GPAT3: variants seen among roughly 807,000 people sequenced by gnomAD.
GPAT3 encodes 1-AGP acyltransferase 9.
In GPAT3, 53 loss-of-function variants were observed where a neutral mutation model predicts 58.8. That is an observed-to-expected ratio of 0.90 (90% CI 0.72 to 1.13). The LOEUF (loss-of-function observed/expected upper bound fraction) is 1.13, where lower values mean the gene tolerates loss of function less well. Ranked by LOEUF, GPAT3 falls within the 50% of genes most tolerant of loss-of-function variation. GPAT3 has a pLI of 0.00. For missense variants in GPAT3, 511 were observed against 527.6 expected, an observed-to-expected ratio of 0.97 and a Z score of 0.31; for synonymous variants, 197 against 187.4, an observed-to-expected ratio of 1.05 and a Z score of -0.42.
intron 2 of GPAT3, among the ~76,000 whole-genome samples, chr4:83,574,453 CA>C (rs1341192872): frequency 2.0e-5 from 3 of 151,910 alleles, no homozygotes; most frequent in Non-Finnish European, 4.4e-5. Flanking sequence ...GCTAAAGGCA[CA>C]GGGGCACAGG....
chr4:83,596,134 A>C (rs2110108457), intron 7 of GPAT3, among the ~76,000 whole-genome samples: 1 of 152,314 alleles, frequency 6.6e-6, no homozygotes, highest in East Asian at 1.9e-4. Flanking sequence ...TGAATCATTT[A>C]AGGATTGTCT....
At chr4:83,537,059 C>A (rs571547305) in intron 1 of GPAT3, among the ~76,000 whole-genome samples, 1 of 152,270 alleles carries the variant, frequency 6.6e-6, no homozygotes, top group Admixed American at 6.5e-5. Context: ...AGAATAACAA[C>A]AATGCGACCA....
rs540201536 is a variant in GPAT3 at position 83,536,808 on chromosome 4, T to C, written c.141+45T>C. On this transcript the variant is annotated intron_variant, in intron 1 of 11. Coordinates refer to ENST00000264409, the MANE Select transcript of GPAT3 (RefSeq NM_032717.5). ...CAGCCAGCCCCACACCGCTGCGGGC[T>C]GAGAACCCGGGGGTCCAGTTCTCAA... The C allele has an allele frequency of 1.0e-4, 160 of 1,561,010 alleles. 1 individual carries two copies. Among genetic ancestry groups the C allele is most frequent in the Non-Finnish European group, 1.3e-4 (153 of 1,150,226 alleles).
At position 83,566,519 on chromosome 4, in the gene GPAT3, G is replaced by A. The variant is rs145538128; in HGVS notation, c.209-15043G>A. 1.0e-3 allele frequency among the ~76,000 whole-genome samples: 158 copies of A among 150,952 alleles called. 1 individual carries two copies. The highest frequency in any genetic ancestry group is 3.6e-3 in the African/African-American group (147 of 41,296). On this transcript the variant is annotated intron_variant, in intron 2 of 11. Coordinates refer to ENST00000264409, the MANE Select transcript of GPAT3 (RefSeq NM_032717.5). ...AGTCGTGACCTTAAGTGATCCACCC[G>A]TCTCAGCCTCCCAAAGTGCTGGGAT...
At chr4:83,540,697 T>C (rs1251126371) in intron 1 of GPAT3, among the ~76,000 whole-genome samples, 1 of 152,148 alleles carries the variant, frequency 6.6e-6, no homozygotes, top group Non-Finnish European at 1.5e-5. Context: ...ATTTTATTTC[T>C]TTTTGTGAGA....
intron 1 of GPAT3, among the ~76,000 whole-genome samples, 180 bp from the exon 2 acceptor site, chr4:83,544,356 G>C (rs1457535575): frequency 6.6e-6 from 1 of 152,150 alleles, no homozygotes; most frequent in African/African-American, 2.4e-5. Flanking sequence ...ATCAGTAAGT[G>C]ATATAAAAGT....
chr4:83,574,515 C>T (rs111409790), intron 2 of GPAT3, among the ~76,000 whole-genome samples: 2 of 151,298 alleles, frequency 1.3e-5, no homozygotes, highest in Non-Finnish European at 1.5e-5. Flanking sequence ...GTAATTTTAT[C>T]TTCATCCAAG....
At position 83,544,544 on chromosome 4, in the gene GPAT3, A is replaced by C. The variant is rs1724432246; in HGVS notation, c.150A>C (p.Thr50=). The C allele has an allele frequency of 1.2e-6, 2 of 1,613,980 alleles. No individual in the cohort carries two copies. Among genetic ancestry groups the C allele is most frequent in the South Asian group, 2.2e-5 (2 of 91,086 alleles). Residue 50 remains threonine (T), a synonymous_variant, in exon 2 of 12, where the codon ACA becomes ACC. Coordinates refer to ENST00000264409, the MANE Select transcript of GPAT3 (RefSeq NM_032717.5). The part of the protein sequence containing the change: ...KILVKTLEWA[T]IRIEKGTPKE... Reference sequence around the variant, plus strand: ...TTCTTGTTTTTGAACAGTGGGCCACAATACGAATTGAAAAAGGAACCCCAA... The same window carrying C: ...TTCTTGTTTTTGAACAGTGGGCCACCATACGAATTGAAAAAGGAACCCCAA...
Position 83,598,081 on chromosome 4 carries a change from A to T in GPAT3, c.1027A>T (p.Asn343Tyr). The T allele has an allele frequency of 6.2e-7, 1 of 1,613,568 alleles. No homozygotes were observed. Among genetic ancestry groups the T allele is most frequent in the South Asian group, 1.1e-5 (1 of 90,938 alleles). The change falls in exon 10 of 12, where the codon AAC becomes TAC. Residue 343 changes from asparagine (N) to tyrosine (Y), a missense_variant. Transcript: ENST00000264409. ...YNPQFGDAFWNSSKYNMVSYL... is the reference protein window; with the variant it reads ...YNPQFGDAFWYSSKYNMVSYL... Reference sequence around the variant, plus strand: ...CCCTCAGTTCGGTGATGCATTTTGGAACAGTAGTAAATACAACATGGTGAG... The same window carrying T: ...CCCTCAGTTCGGTGATGCATTTTGGTACAGTAGTAAATACAACATGGTGAG...
rs113506084 is a variant in GPAT3, at chr4:83,536,131, C to G, written c.-492C>G. The G allele has an allele frequency of 1.7e-3, 1,647 of 985,852 alleles. 22 individuals are homozygous for G. The African/African-American group carries it at 0.026, about 15-fold the overall frequency. 61.1% of individuals were successfully genotyped at this position (985,852 alleles called of 1,614,324 possible). ...CCAGCTTCCAGCACAGCCCGCGGCC[C>G]GGTGCCAGCTCCGCCGGCGACCGGT... is the stretch of plus-strand genomic sequence containing the variant. On this transcript the variant is annotated 5_prime_UTR_variant, in exon 1 of 12. Transcript: ENST00000264409.
chr4:83,586,314 C>A (rs994470293), intron 3 of GPAT3, among the ~76,000 whole-genome samples: 2 of 152,126 alleles, frequency 1.3e-5, no homozygotes. Flanking sequence ...CTGTTCCTGA[C>A]CCTTAACCTT....
At chr4:83,549,252 A>C (rs557453349) in intron 2 of GPAT3, among the ~76,000 whole-genome samples, 121 of 151,906 alleles carry the variant, frequency 8.0e-4, no homozygotes, top group African/African-American at 2.9e-3. Flanking sequence ...AAATTAGCTA[A>C]CTTGATTTTA....
chr4:83,581,639 G>T lies in GPAT3; in HGVS notation c.286G>T (p.Val96Leu), dbSNP rs775978881. The T allele has an allele frequency of 6.2e-7, 1 of 1,613,998 alleles. No homozygotes were observed. The highest frequency in any genetic ancestry group is 1.7e-5 in the Admixed American group (1 of 59,994). Residue 96 changes from valine to leucine, a missense_variant, in exon 3 of 12, where the codon GTG becomes TTG. Val to Leu is a conservative substitution (Grantham distance 32). Coordinates refer to ENST00000264409, the MANE Select transcript of GPAT3 (RefSeq NM_032717.5). The part of the protein sequence containing the change: ...LRGRDFELSD[V>L]FYFSKKGLEA... ...AGGAAGGGACTTTGAGCTGTCTGACGTGTTTTATTTCTCCAAGAAGGGATT... is the reference window on the plus strand; with the variant it reads ...AGGAAGGGACTTTGAGCTGTCTGACTTGTTTTATTTCTCCAAGAAGGGATT...
At chr4:83,537,073 T>G (rs1309865737) in intron 1 of GPAT3, among the ~76,000 whole-genome samples, 1 of 152,124 alleles carries the variant, frequency 6.6e-6, no homozygotes, top group African/African-American at 2.4e-5. Context: ...GCGACCAACT[T>G]TTTGTATCAG....
intron 2 of GPAT3, among the ~76,000 whole-genome samples, chr4:83,575,710 G>A (rs962252734): frequency 5.3e-5 from 8 of 152,158 alleles, no homozygotes; most frequent in Non-Finnish European, 1.2e-4. Context: ...CACTGCACCC[G>A]GCTGACACCT....
intron 2 of GPAT3, among the ~76,000 whole-genome samples, chr4:83,549,711 T>TTTTTTATTATTATTA (rs1553943606): frequency 2.8e-5 from 4 of 142,860 alleles, no homozygotes; most frequent in African/African-American, 5.3e-5. Flanking sequence ...TTTGTATATA[T>TTTTTTATTATTATTA]TTATTATTAT....
At chr4:83,581,990 T>C (rs1486208817) in intron 3 of GPAT3, among the ~76,000 whole-genome samples, 158 bp downstream of exon 3, 9 of 152,222 alleles carry the variant, frequency 5.9e-5, no homozygotes, top group Admixed American at 5.9e-4. Context: ...GTATTACGTA[T>C]CCATTTTCCT....
chr4:83,581,865 C>T (rs770942671), intron 3 of GPAT3, 33 bp downstream of exon 3: 1 of 1,571,650 alleles, frequency 6.4e-7, no homozygotes, highest in Admixed American at 1.8e-5. Flanking sequence ...TGATGATACG[C>T]TTGACTCAGC....
chr4:83,584,693 A>G (rs1387970959), intron 3 of GPAT3, among the ~76,000 whole-genome samples: 1 of 152,128 alleles, frequency 6.6e-6, no homozygotes, highest in Non-Finnish European at 1.5e-5. Flanking sequence ...TTTAATAGAG[A>G]TGGGGTTTCA....
Sources: gnomAD v4.1 joint callset for allele counts (sites outside exome capture counted in the v4.1 genomes callset) on GRCh38, gnomAD v4.1.1 for gene constraint, MANE v1.5 for transcripts, NCBI Gene and HGNC (gene_info 2026-07-23, HGNC 2026-07-21) for gene names.